Variants in SERGEF observed in about 807,000 individuals in gnomAD.
SERGEF encodes the protein secretion-regulating guanine nucleotide exchange factor.
A neutral mutation model predicts 50.0 loss-of-function variants in SERGEF; 51 were observed. The ratio of observed to expected loss-of-function variants is 1.02; its 90% confidence interval spans 0.81 to 1.29. The LOEUF is 1.29. SERGEF is among the 50% of genes most tolerant of loss of function. The pLI is 0.00. For missense variants in SERGEF, 521 were observed against 557.0 expected (o/e 0.94, Z 0.65); for synonymous variants, 205 against 212.4 (o/e 0.97, Z 0.30).
chr11:18,002,065 A>G (rs780822279), intron 4 of SERGEF: 3 of 456,112 alleles, frequency 6.6e-6, no homozygotes, highest in South Asian at 4.7e-5. Context: ...ACTTCTGTCA[A>G]TGGAGTCCAC....
At chr11:17,978,829 ACTCTACCAGC>A (rs568959458) in intron 8 of SERGEF, among the ~76,000 whole-genome samples, 2 of 151,920 alleles carry the variant, frequency 1.3e-5, no homozygotes, top group South Asian at 4.2e-4. Flanking sequence ...CCGAATGATG[ACTCTACCAGC>A]CTCATCCCAA....
intron 8 of SERGEF, among the ~76,000 whole-genome samples, chr11:17,963,364 T>TAAA (rs1174880141): frequency 4.6e-4 from 23 of 49,842 alleles, no homozygotes; most frequent in East Asian, 1.4e-3. Context: ...TTACTATTAG[T>TAAA]AAAAAAAAAA....
intron 9 of SERGEF, chr11:17,926,642 T>C: frequency 2.4e-6 from 1 of 414,166 alleles, no homozygotes; most frequent in South Asian, 1.8e-5. Flanking sequence ...ATGCCCTCCT[T>C]TATGCCAGAG....
chr11:17,876,074 C>T (rs1337576656), intron 10 of SERGEF, among the ~76,000 whole-genome samples: 3 of 152,222 alleles, frequency 2.0e-5, no homozygotes, highest in Non-Finnish European at 4.4e-5. Context: ...CTTCTTGTAG[C>T]TTCCTGTTTC....
chr11:17,897,851 C>G (rs1851676208), intron 9 of SERGEF, among the ~76,000 whole-genome samples: 1 of 152,130 alleles, frequency 6.6e-6, no homozygotes, highest in African/African-American at 2.4e-5. Flanking sequence ...GGTCCACTCA[C>G]AAAACACACC....
intron 9 of SERGEF, chr11:17,939,476 C>A (rs1466537381): frequency 6.6e-6 from 1 of 152,194 alleles, no homozygotes; most frequent in Non-Finnish European, 1.5e-5. Flanking sequence ...CTGAGCCCCA[C>A]CTGTTGCACT....
At chr11:18,006,964 GTGGTCAATCA>G (rs1854086857) in intron 2 of SERGEF, among the ~76,000 whole-genome samples, 1 of 152,226 alleles carries the variant, frequency 6.6e-6, no homozygotes, top group East Asian at 1.9e-4. Context: ...TCTTGGCGCA[GTGGTCAATCA>G]ATCACCAAAC....
At chr11:17,932,513 CAT>C (rs1326695124) in intron 9 of SERGEF, among the ~76,000 whole-genome samples, 1 of 151,926 alleles carries the variant, frequency 6.6e-6, no homozygotes, top group Non-Finnish European at 1.5e-5. Context: ...AATGTGTGCA[CAT>C]ATGAGAAAGA....
chr11:17,938,807 T>C (rs1322950761), intron 9 of SERGEF, among the ~76,000 whole-genome samples: 4 of 152,192 alleles, frequency 2.6e-5, no homozygotes, highest in African/African-American at 9.6e-5. Context: ...TAATGCTAAG[T>C]AGATCTATGA....
intron 10 of SERGEF, among the ~76,000 whole-genome samples, chr11:17,861,059 C>G (rs901935826): frequency 5.3e-5 from 8 of 152,178 alleles, no homozygotes; most frequent in African/African-American, 1.9e-4. Flanking sequence ...CTCACTTCAT[C>G]CACAAGGCTT....
intron 3 of SERGEF, among the ~76,000 whole-genome samples, chr11:18,005,748 G>C (rs967655810): frequency 5.3e-5 from 8 of 152,136 alleles, no homozygotes; most frequent in Non-Finnish European, 8.8e-5. Flanking sequence ...ACTGCTGGCT[G>C]TTCCCAAGTG....
intron 9 of SERGEF, among the ~76,000 whole-genome samples, chr11:17,906,621 C>A (rs1590189979): frequency 6.6e-6 from 1 of 152,272 alleles, no homozygotes; most frequent in African/African-American, 2.4e-5. Flanking sequence ...GTACAGGAGG[C>A]CTGTTTCCTG....
At position 17,994,031 on chromosome 11, in the gene SERGEF, G is replaced by A. The variant is rs376252705; in HGVS notation, c.623-1038C>T. On this transcript the variant is annotated intron_variant, in intron 6 of 10. Transcript: ENST00000265965. ...AAACATTTTTTCCCTCTAATAACAG[G>A]TCCTGTGCTAAAATATAGAGCAAAA... Among the ~76,000 whole-genome samples the A allele has an allele frequency of 6.6e-5, 10 of 151,998 alleles. No homozygotes were observed. The East Asian group carries it at 7.7e-4, about 12-fold the overall frequency.
At chr11:17,989,566 C>T (rs905345082) in intron 7 of SERGEF, among the ~76,000 whole-genome samples, 1 of 152,210 alleles carries the variant, frequency 6.6e-6, no homozygotes, top group Non-Finnish European at 1.5e-5. Context: ...AAGGCATTCA[C>T]ATTCAAAAAT....
At chr11:17,807,582 C>T (rs1849785865) in intron 10 of SERGEF, among the ~76,000 whole-genome samples, 1 of 152,266 alleles carries the variant, frequency 6.6e-6, no homozygotes, top group Non-Finnish European at 1.5e-5. Flanking sequence ...CAAATTACCA[C>T]TTCTCTTGTT....
chr11:17,916,307 C>G (rs1190801532), intron 9 of SERGEF, among the ~76,000 whole-genome samples: 1 of 152,150 alleles, frequency 6.6e-6, no homozygotes, highest in Non-Finnish European at 1.5e-5. Flanking sequence ...TCTGAATCAT[C>G]AAAGGAAAAT....
At chr11:17,866,561 G>C (rs1851028181) in intron 10 of SERGEF, among the ~76,000 whole-genome samples, 1 of 152,204 alleles carries the variant, frequency 6.6e-6, no homozygotes, top group South Asian at 2.1e-4. Context: ...CTGGAGTCCA[G>C]TGGCAGGATC....
intron 4 of SERGEF, among the ~76,000 whole-genome samples, chr11:18,002,626 C>G (rs1298105575): frequency 6.6e-6 from 1 of 152,176 alleles, no homozygotes; most frequent in Non-Finnish European, 1.5e-5. Context: ...ACCCCACCTT[C>G]CCCCAGATGC....
intron 4 of SERGEF, among the ~76,000 whole-genome samples, chr11:18,001,631 T>C (rs1251997623): frequency 6.6e-6 from 1 of 152,220 alleles, no homozygotes; most frequent in Non-Finnish European, 1.5e-5. Flanking sequence ...TCCGAAACTG[T>C]GACATAATAA....
Sources: allele counts gnomAD v4.1 joint callset (sites outside exome capture counted in the v4.1 genomes callset), GRCh38; gene constraint gnomAD v4.1.1; transcripts MANE v1.5; gene names NCBI Gene and HGNC (gene_info 2026-07-23, HGNC 2026-07-21).